TOX2: variants seen among roughly 807,000 people sequenced by gnomAD.
TOX2 encodes granulosa cell HMG box 1.
In TOX2, 15 loss-of-function variants were observed where a neutral mutation model predicts 47.4. The observed-to-expected ratio is 0.32, with a 90% CI of 0.21 to 0.49. TOX2 has a LOEUF of 0.49. TOX2 is among the 20% of genes least tolerant of loss of function. The pLI is 0.99. For missense variants in TOX2, 622 were observed against 673.1 expected (o/e 0.92, Z 0.84); for synonymous variants, 290 against 296.6 (o/e 0.98, Z 0.23).
At chr20:43,957,659 G>A (rs984239299) in intron 1 of TOX2, among the ~76,000 whole-genome samples, 2 of 148,982 alleles carry the variant, frequency 1.3e-5, no homozygotes, top group African/African-American at 5.0e-5. Flanking sequence ...TGGCAGGGTT[G>A]ATTCCATCTG....
intron 2 of TOX2, among the ~76,000 whole-genome samples, chr20:43,980,181 T>C (rs1329285939): frequency 6.6e-6 from 1 of 152,094 alleles, no homozygotes; most frequent in African/African-American, 2.4e-5. Context: ...CACAATGGAG[T>C]ATTATTCAGC....
At chr20:44,005,451 A>G (rs1215593777) in intron 2 of TOX2, among the ~76,000 whole-genome samples, 1 of 152,232 alleles carries the variant, frequency 6.6e-6, no homozygotes, top group Non-Finnish European at 1.5e-5. Context: ...TAACCTTGTT[A>G]CTAAAACCCC....
At chr20:43,917,434 C>G (rs2069069336) in intron 1 of TOX2, among the ~76,000 whole-genome samples, 1 of 152,214 alleles carries the variant, frequency 6.6e-6, no homozygotes, top group East Asian at 1.9e-4. Context: ...GGCCTGTAGG[C>G]CTGGCTGAAT....
At chr20:43,956,850 A>G (rs959451835) in intron 1 of TOX2, among the ~76,000 whole-genome samples, 2 of 151,600 alleles carry the variant, frequency 1.3e-5, no homozygotes, top group Non-Finnish European at 2.9e-5. Flanking sequence ...TTTCCCTTCC[A>G]TATTTGTTTC....
At chr20:44,036,282 C>T (rs1483608005) in intron 3 of TOX2, among the ~76,000 whole-genome samples, 2 of 152,218 alleles carry the variant, frequency 1.3e-5, no homozygotes, top group Non-Finnish European at 2.9e-5. Context: ...CAAGTGAGAG[C>T]ACACTGAGTA....
intron 1 of TOX2, among the ~76,000 whole-genome samples, chr20:43,960,099 T>A (rs2069733809): frequency 6.6e-6 from 1 of 152,208 alleles, no homozygotes; most frequent in African/African-American, 2.4e-5. Flanking sequence ...TGTGAGGTTG[T>A]CGTGAGGATT....
chr20:44,002,795 CTT>C (rs1221447260), intron 2 of TOX2, among the ~76,000 whole-genome samples: 8 of 152,134 alleles, frequency 5.3e-5, no homozygotes, highest in Admixed American at 2.0e-4. Flanking sequence ...GTGCCAGTCT[CTT>C]TAAACAACCA....
intron 2 of TOX2, among the ~76,000 whole-genome samples, chr20:43,989,753 C>T (rs1009078801): frequency 2.3e-4 from 35 of 150,666 alleles, no homozygotes; most frequent in Non-Finnish European, 4.4e-4. Context: ...GAACTCCAGC[C>T]TGGGCAACAG....
chr20:43,943,801 A>C (rs2145356674), intron 1 of TOX2, among the ~76,000 whole-genome samples: 1 of 152,352 alleles, frequency 6.6e-6, no homozygotes, highest in East Asian at 1.9e-4. Context: ...GGCTTCTTGC[A>C]ACATCAACAA....
rs114222842 is a variant in TOX2 at position 44,017,002 on chromosome 20, T to C, written c.411+10210T>C. On this transcript the variant is annotated intron_variant, in intron 3 of 8. Transcript: ENST00000341197. Reference sequence around the variant, plus strand: ...TGGGATCAGTCTGAATTCATGGCAATATGTGGTTGTGCATTTACCAGGGGC... The same window carrying C: ...TGGGATCAGTCTGAATTCATGGCAACATGTGGTTGTGCATTTACCAGGGGC... Among the ~76,000 whole-genome samples the C allele has an allele frequency of 8.1e-3, 1,230 of 152,312 alleles. 5 individuals carry two copies. The highest frequency in any genetic ancestry group is 0.034 in the Middle Eastern group (10 of 294).
At chr20:44,042,728 TGTC>T (rs2071352277) in intron 3 of TOX2, among the ~76,000 whole-genome samples, 1 of 152,204 alleles carries the variant, frequency 6.6e-6, no homozygotes, top group Non-Finnish European at 1.5e-5. Context: ...TTATTATTGT[TGTC>T]ATTATTATTT....
At chr20:43,995,261 G>A (rs774062248) in intron 2 of TOX2, among the ~76,000 whole-genome samples, 2 of 152,066 alleles carry the variant, frequency 1.3e-5, no homozygotes, top group Admixed American at 6.5e-5. Context: ...AACATGTCTG[G>A]GGTGGGTGAC....
chr20:43,921,937 T>C (rs765483114), intron 1 of TOX2, among the ~76,000 whole-genome samples: 19 of 152,126 alleles, frequency 1.2e-4, no homozygotes, highest in African/African-American at 3.1e-4. Context: ...GGATTATGAA[T>C]TGGGAGAGAG....
chr20:44,033,784 C>G (rs1269673557), intron 3 of TOX2, among the ~76,000 whole-genome samples: 2 of 152,192 alleles, frequency 1.3e-5, no homozygotes, highest in African/African-American at 4.8e-5. Context: ...TCATTTTGGA[C>G]TTCTGACTTC....
In TOX2 at chr20:43,916,138, C is replaced by T; in HGVS notation, c.99+1148C>T. On this transcript the variant is annotated intron_variant, in intron 1 of 8. Coordinates refer to ENST00000341197, the MANE Select transcript of TOX2 (RefSeq NM_001098797.2). The surrounding 1 kb of genome is among the most constrained non-coding windows in gnomAD (Gnocchi z 5.0). ...AAGCGCGGGTTTTCGTCACTCGGAGCCCGGATTGAACAGCGCGCGTGGGTT... is the reference window on the plus strand; with the variant it reads ...AAGCGCGGGTTTTCGTCACTCGGAGTCCGGATTGAACAGCGCGCGTGGGTT... The T allele has an allele frequency of 1.0e-6, 1 of 985,526 alleles. No homozygotes were observed. The highest frequency in any genetic ancestry group is 1.2e-6 in the Non-Finnish European group (1 of 829,980). The allele number at this position is 985,526 out of a possible 1,614,324, so 61.0% of individuals were successfully genotyped here.
chr20:44,041,585 G>A (rs137888598), intron 3 of TOX2, among the ~76,000 whole-genome samples: 152 of 152,286 alleles, frequency 1.0e-3, no homozygotes, highest in Middle Eastern at 3.4e-3. Flanking sequence ...CCTGAAGTGC[G>A]GTTGGGGAAG....
intron 1 of TOX2, among the ~76,000 whole-genome samples, chr20:43,931,442 C>A (rs888406674): frequency 1.3e-5 from 2 of 152,236 alleles, no homozygotes; most frequent in African/African-American, 2.4e-5. Flanking sequence ...GCTAAACATA[C>A]ACGTCTGTTA....
At chr20:43,988,549 A>G (rs1476462937) in intron 2 of TOX2, among the ~76,000 whole-genome samples, 1 of 152,256 alleles carries the variant, frequency 6.6e-6, no homozygotes, top group Non-Finnish European at 1.5e-5. Context: ...AGTGTGAGCA[A>G]TACTCTCACA....
chr20:43,927,083 T>C (rs1160549384), intron 1 of TOX2, among the ~76,000 whole-genome samples: 6 of 152,222 alleles, frequency 3.9e-5, no homozygotes. Flanking sequence ...CCCAGGGACA[T>C]GTCAGGTACA....
Sources: gnomAD v4.1 joint callset for allele counts (sites outside exome capture counted in the v4.1 genomes callset) on GRCh38, gnomAD v4.1.1 for gene constraint, Gnocchi (gnomAD v3.1) non-coding constraint, MANE v1.5 for transcripts, NCBI Gene and HGNC (gene_info 2026-07-23, HGNC 2026-07-21) for gene names.